Variants in TIMP2 observed in about 807,000 individuals in gnomAD.
TIMP2 encodes the protein metalloproteinase inhibitor 2.
TIMP2 carries 5 observed loss-of-function variants against 24.3 expected under a neutral mutation model. That is an observed-to-expected ratio of 0.21 (90% CI 0.11 to 0.43). TIMP2 has a LOEUF of 0.43. Ranked by LOEUF, TIMP2 falls within the 20% of genes least tolerant of loss-of-function variation. The pLI, the probability that TIMP2 is intolerant of heterozygous loss-of-function variation, is 1.00. For missense variants in TIMP2, 221 were observed against 297.5 expected, an observed-to-expected ratio of 0.74 and a Z score of 1.89; for synonymous variants, 130 against 123.2, an observed-to-expected ratio of 1.06 and a Z score of -0.37.
At chr17:78,917,042 G>A (rs1021610961) in intron 1 of TIMP2, among the ~76,000 whole-genome samples, 5 of 152,312 alleles carry the variant, frequency 3.3e-5, no homozygotes, top group African/African-American at 9.6e-5. Context: ...CCATGGCTTT[G>A]GAGTTTGAGA....
rs557013796 is a variant in TIMP2 at position 78,873,667 on chromosome 17, G to A, written c.231+152C>T. 8 of 602,086 alleles carry A rather than the reference G, an allele frequency of 1.3e-5. No individual in the cohort carries two copies. In the East Asian group the frequency reaches 2.3e-4, roughly 17 times the overall value. 37.3% of individuals were successfully genotyped at this position (602,086 alleles called of 1,614,324 possible). ...CTTTTCAGGCATTCGAGGATTAAGG[G>A]AAATCGGATCTATTTGCAGCTTGAT... On this transcript the variant is annotated intron_variant, in intron 2 of 4. Coordinates refer to ENST00000262768, the MANE Select transcript of TIMP2 (RefSeq NM_003255.5).
At chr17:78,874,404 C>T (rs1367501243) in intron 1 of TIMP2, among the ~76,000 whole-genome samples, 4 of 152,140 alleles carry the variant, frequency 2.6e-5, no homozygotes, top group Admixed American at 2.6e-4. Flanking sequence ...CCCCACCCTC[C>T]AGCCACGGCC....
intron 1 of TIMP2, among the ~76,000 whole-genome samples, chr17:78,885,985 T>C (rs193032577): frequency 6.6e-6 from 1 of 152,242 alleles, no homozygotes; most frequent in Non-Finnish European, 1.5e-5. Context: ...ACTCATGACA[T>C]CTCCGTAAGA....
chr17:78,873,949 G>A, intron 1 of TIMP2, 30 bp from the exon 2 acceptor site: 1 of 1,603,500 alleles, frequency 6.2e-7, no homozygotes, highest in East Asian at 2.2e-5. Context: ...GAGGTGAGGA[G>A]AGTTCCTGAA....
chr17:78,891,254 G>A lies in TIMP2; in HGVS notation c.131-17335C>T. On this transcript the variant is annotated intron_variant, in intron 1 of 4. Coordinates refer to ENST00000262768, the MANE Select transcript of TIMP2 (RefSeq NM_003255.5). This position sits in a 1 kb window ranked among gnomAD's most constrained non-coding sequence, Gnocchi z 4.5. Reference sequence around the variant, plus strand: ...CGTTTTCAAGTCGGTCTTGGACGCTGCCTGCTGCGCCTCCTCCTCTGCTGG... The same window carrying A: ...CGTTTTCAAGTCGGTCTTGGACGCTACCTGCTGCGCCTCCTCCTCTGCTGG... 6.4e-7 allele frequency: 1 copy of A among 1,550,630 alleles called. No individual in the cohort carries two copies. The highest frequency in any genetic ancestry group is 8.7e-7 in the Non-Finnish European group (1 of 1,147,008).
At position 78,891,386 on chromosome 17, in the gene TIMP2, G is replaced by A. The variant is rs1334721172; in HGVS notation, c.131-17467C>T. 1.3e-6 allele frequency: 2 copies of A among 1,550,580 alleles called. No homozygotes were observed. Among genetic ancestry groups the A allele is most frequent in the East Asian group, 4.9e-5 (2 of 40,930 alleles). On this transcript the variant is annotated intron_variant, in intron 1 of 4. Coordinates refer to ENST00000262768, the MANE Select transcript of TIMP2 (RefSeq NM_003255.5). This position sits in a 1 kb window ranked among gnomAD's most constrained non-coding sequence, Gnocchi z 4.5. ...CTCTGAGAAGGCATGCCCTTCCCCA[G>A]GTCTCTGGTCCATCCTGGGCTTCAG...
chr17:78,914,472 G>A (rs2070238116), intron 1 of TIMP2, among the ~76,000 whole-genome samples: 1 of 151,684 alleles, frequency 6.6e-6, no homozygotes, highest in Non-Finnish European at 1.5e-5. Flanking sequence ...TAGTAGAGAT[G>A]GGGTTTCATG....
chr17:78,918,166 G>A (rs1382502321), intron 1 of TIMP2, among the ~76,000 whole-genome samples: 2 of 152,100 alleles, frequency 1.3e-5, no homozygotes, highest in Non-Finnish European at 2.9e-5. Context: ...CTGGCTGGGT[G>A]TTCACACACT....
chr17:78,894,197 C>A (rs548555310), intron 1 of TIMP2, among the ~76,000 whole-genome samples: 13 of 151,886 alleles, frequency 8.6e-5, no homozygotes, highest in African/African-American at 1.9e-4. Flanking sequence ...GCTCCTACCC[C>A]CCCCGGTTCA....
chr17:78,861,894 G>C (rs2069569992), intron 3 of TIMP2, among the ~76,000 whole-genome samples: 1 of 152,098 alleles, frequency 6.6e-6, no homozygotes, highest in Non-Finnish European at 1.5e-5. Context: ...CTAGTTATTG[G>C]GCTAACATGA....
At position 78,853,528 on chromosome 17, in the gene TIMP2, C is replaced by A. The variant is rs970908273; in HGVS notation, c.*2139G>T. The A allele has an allele frequency of 1.3e-5, 2 of 152,306 alleles. No individual in the cohort carries two copies. The highest frequency in any genetic ancestry group is 1.3e-4 in the Admixed American group (2 of 15,274). 9.4% of individuals were successfully genotyped at this position (152,306 alleles called of 1,614,324 possible). A position where few individuals can be genotyped will look rare whatever the true frequency, so the allele number is the denominator to read the frequency against. ...GGCCACACCTTTCAGACCGAACCTA[C>A]TCAAAGATCCTTTACTTTGCAATAA... On this transcript the variant is annotated 3_prime_UTR_variant, in exon 5 of 5. Transcript: ENST00000262768.
At chr17:78,890,458 G>T (rs562183637) in intron 1 of TIMP2, 1 of 657,376 alleles carries the variant, frequency 1.5e-6, no homozygotes, top group Non-Finnish European at 2.4e-6. Flanking sequence ...GGCCGACCTC[G>T]GCCTCCCAAA....
chr17:78,917,008 C>T (rs964271068), intron 1 of TIMP2, among the ~76,000 whole-genome samples: 7 of 152,324 alleles, frequency 4.6e-5, no homozygotes, highest in South Asian at 4.1e-4. Flanking sequence ...CGCATTCCTG[C>T]GCTCACTTCC....
At chr17:78,870,817 T>C in intron 3 of TIMP2, 81 bp downstream of exon 3, 1 of 1,268,228 alleles carries the variant, frequency 7.9e-7, no homozygotes, top group Non-Finnish European at 1.1e-6. Context: ...CCCCCGAGCC[T>C]GGGAAACGAG....
At chr17:78,862,572 A>C (rs2069576255) in intron 3 of TIMP2, among the ~76,000 whole-genome samples, 1 of 152,240 alleles carries the variant, frequency 6.6e-6, no homozygotes, top group South Asian at 2.1e-4. Context: ...GTTGATTTTT[A>C]GAAACAGGAA....
At chr17:78,879,477 T>G (rs1174607290) in intron 1 of TIMP2, among the ~76,000 whole-genome samples, 2 of 152,120 alleles carry the variant, frequency 1.3e-5, no homozygotes, top group African/African-American at 2.4e-5. Context: ...ACTGAACACC[T>G]ACTGGGTGCT....
chr17:78,883,935 C>T (rs764720407), intron 1 of TIMP2, among the ~76,000 whole-genome samples: 1 of 152,222 alleles, frequency 6.6e-6, no homozygotes, highest in Non-Finnish European at 1.5e-5. Context: ...GCCTCCGGCT[C>T]GGCCCTTCCC....
Position 78,890,924 on chromosome 17 carries a change from T to C in TIMP2, c.131-17005A>G, listed in dbSNP as rs781569818. 1.1e-4 allele frequency: 174 copies of C among 1,550,796 alleles called. 2 individuals carry two copies. In the South Asian group the frequency reaches 1.3e-3, roughly 12 times the overall value. On this transcript the variant is annotated intron_variant, in intron 1 of 4. Transcript: ENST00000262768. The stretch of plus-strand genomic sequence containing the variant: ...TTTGTAGTGGATTTCCAAGCTCATA[T>C]CTGGGTGTTCCATTTGTTCAAGCGA...
Position 78,896,996 on chromosome 17 carries a change from T to G in TIMP2, c.131-23077A>C. ...AGAATGACGTCCAAGCAGCTCGCCT[T>G]TCCCTGGGCGGCCGCTCAGACAGCT... On this transcript the variant is annotated intron_variant, in intron 1 of 4. Coordinates refer to ENST00000262768, the MANE Select transcript of TIMP2 (RefSeq NM_003255.5). The surrounding 1 kb of genome is among the most constrained non-coding windows in gnomAD (Gnocchi z 4.4). 1 of 985,368 alleles carries G rather than the reference T, an allele frequency of 1.0e-6. No individual in the cohort carries two copies. The allele number at this position is 985,368 out of a possible 1,614,324, so 61.0% of individuals were successfully genotyped here. A position where few individuals can be genotyped will look rare whatever the true frequency, so the allele number is the denominator to read the frequency against.
Sources: allele counts gnomAD v4.1 joint callset (sites outside exome capture counted in the v4.1 genomes callset), GRCh38; gene constraint gnomAD v4.1.1; non-coding constraint Gnocchi (gnomAD v3.1); transcripts MANE v1.5; gene names NCBI Gene and HGNC (gene_info 2026-07-23, HGNC 2026-07-21).